ADARB2: variants seen among roughly 807,000 people sequenced by gnomAD.
ADARB2 encodes adenosine deaminase RNA specific B2 (inactive).
In ADARB2, 25 loss-of-function variants were observed where a neutral mutation model predicts 62.2. That is an observed-to-expected ratio of 0.40 (90% CI 0.29 to 0.56). The LOEUF (loss-of-function observed/expected upper bound fraction) is 0.56, where lower values mean the gene tolerates loss of function less well. ADARB2 is among the 20% of genes least tolerant of loss of function. The pLI is 0.43. For missense variants in ADARB2, 1,071 were observed against 1,077.4 expected (o/e 0.99, Z 0.08); for synonymous variants, 572 against 500.8 (o/e 1.14, Z -1.90).
rs558626681 is a variant in ADARB2, at chr10:1,200,002, G to C, written c.1828C>G (p.Pro610Ala). The C allele has an allele frequency of 2.5e-6, 4 of 1,576,258 alleles. No individual in the cohort carries two copies. The highest frequency in any genetic ancestry group is 3.4e-6 in the Non-Finnish European group (4 of 1,164,332). ...SHRMEGVGQL[P>A]ASYRHNRPLL... Reference sequence around the variant, plus strand: ...GGCCGGTTGTGCCGGTAGGAGGCGGGCAGCTGGCCGACACCCTCCATGCGG... The same window carrying C: ...GGCCGGTTGTGCCGGTAGGAGGCGGCCAGCTGGCCGACACCCTCCATGCGG... The change falls in exon 8 of 10, where the codon CCC becomes GCC. Residue 610 changes from proline to alanine, a missense_variant. Coordinates refer to ENST00000381312, the MANE Select transcript of ADARB2 (RefSeq NM_018702.4).
rs1177194986 is a variant in ADARB2, at chr10:1,271,065, A to G, written c.1082T>C (p.Phe361Ser). 6.2e-7 allele frequency: 1 copy of G among 1,613,622 alleles called. No homozygotes were observed. Among genetic ancestry groups the G allele is most frequent in the East Asian group, 2.2e-5 (1 of 44,864 alleles). ...RARRTPMPQE[F>S]ADSISQLVTQ... ...GACCAGCTGGGATATGGAGTCTGCGAATTCCTGAAAGACACAAGCACAGGC... is the reference window on the plus strand; with the variant it reads ...GACCAGCTGGGATATGGAGTCTGCGGATTCCTGAAAGACACAAGCACAGGC... The change falls in exon 4 of 10, where the codon TTC (phenylalanine) becomes TCC (serine). Residue 361 changes from phenylalanine to serine, a missense_variant. Transcript: ENST00000381312.
At chr10:1,525,927 CTGTG>C (rs1430965994) in intron 1 of ADARB2, among the ~76,000 whole-genome samples, 4 of 151,364 alleles carry the variant, frequency 2.6e-5, no homozygotes, top group African/African-American at 4.9e-5. Flanking sequence ...GCACGTGTGT[CTGTG>C]TGTGAGCACG....
At chr10:1,293,746 C>A (rs1254235316) in intron 3 of ADARB2, among the ~76,000 whole-genome samples, 3 of 152,226 alleles carry the variant, frequency 2.0e-5, no homozygotes, top group Non-Finnish European at 2.9e-5. Context: ...GGAAATAAAT[C>A]TGACACCAAC....
chr10:1,378,980 G>T, intron 2 of ADARB2, 94 bp downstream of exon 2: 1 of 1,036,580 alleles, frequency 9.6e-7, no homozygotes, highest in South Asian at 1.3e-5. Context: ...CCTCCCAGAT[G>T]ACCCCAGGTA....
chr10:1,247,040 G>T (rs1000341801), intron 4 of ADARB2, among the ~76,000 whole-genome samples: 1 of 152,170 alleles, frequency 6.6e-6, no homozygotes, highest in South Asian at 2.1e-4. Flanking sequence ...CCTTGAAGAG[G>T]TCCTTCACAT....
chr10:1,355,993 A>G (rs1363871216), intron 3 of ADARB2, among the ~76,000 whole-genome samples: 1 of 152,236 alleles, frequency 6.6e-6, no homozygotes. Flanking sequence ...CATTGTATAA[A>G]TGCATAAATG....
intron 1 of ADARB2, among the ~76,000 whole-genome samples, chr10:1,673,332 G>A (rs1834417648): frequency 6.6e-6 from 1 of 151,886 alleles, no homozygotes; most frequent in Non-Finnish European, 1.5e-5. Flanking sequence ...GTGTGTGTGT[G>A]TGTGTGTGTG....
At chr10:1,473,403 G>A (rs1312265291) in intron 1 of ADARB2, among the ~76,000 whole-genome samples, 4 of 151,464 alleles carry the variant, frequency 2.6e-5, no homozygotes, top group African/African-American at 9.7e-5. Context: ...TTTTTTTCCT[G>A]ACAGGGCCTC....
At chr10:1,468,481 G>T (rs551807432) in intron 1 of ADARB2, among the ~76,000 whole-genome samples, 1 of 152,162 alleles carries the variant, frequency 6.6e-6, no homozygotes, top group Admixed American at 6.5e-5. Context: ...TCACAGATCC[G>T]GCTGTGGTGC....
At chr10:1,605,755 C>T (rs1328279610) in intron 1 of ADARB2, among the ~76,000 whole-genome samples, 2 of 152,110 alleles carry the variant, frequency 1.3e-5, no homozygotes, top group Non-Finnish European at 2.9e-5. Flanking sequence ...TTAGATGTCT[C>T]AATAACAGGA....
chr10:1,509,935 G>A (rs7073560), intron 1 of ADARB2, among the ~76,000 whole-genome samples: 30,950 of 151,934 alleles, frequency 0.2, 3,364 homozygotes, highest in Non-Finnish European at 0.25. Flanking sequence ...ATGCTTTAAT[G>A]CTTGCATTGC....
chr10:1,538,535 A>T lies in ADARB2; in HGVS notation c.101-159375T>A, dbSNP rs1040570716. 3.3e-5 allele frequency among the ~76,000 whole-genome samples: 5 copies of T among 152,312 alleles called. No homozygotes were observed. The South Asian group carries it at 6.2e-4, about 19-fold the overall frequency. On this transcript the variant is annotated intron_variant, in intron 1 of 9. Coordinates refer to ENST00000381312, the MANE Select transcript of ADARB2 (RefSeq NM_018702.4). ...TCTCAGAGGATCACGCGGCCCCCAG[A>T]GGACATGCTGGACGCACACCTGACC...
intron 1 of ADARB2, among the ~76,000 whole-genome samples, chr10:1,603,044 G>T (rs572693433): frequency 6.8e-6 from 1 of 147,228 alleles, no homozygotes; most frequent in African/African-American, 2.5e-5. Context: ...AAACACACAC[G>T]CACACACACC....
At chr10:1,378,455 C>A (rs1320036596) in intron 2 of ADARB2, among the ~76,000 whole-genome samples, 1 of 152,204 alleles carries the variant, frequency 6.6e-6, no homozygotes, top group Admixed American at 6.5e-5. Context: ...TGGTTAATTT[C>A]TTGGAATAAT....
intron 1 of ADARB2, among the ~76,000 whole-genome samples, chr10:1,411,077 T>C (rs1832755413): frequency 6.6e-6 from 1 of 152,176 alleles, no homozygotes; most frequent in African/African-American, 2.4e-5. Flanking sequence ...TGCATCCTGC[T>C]CTCCTCTCTG....
At chr10:1,396,464 C>T (rs77304473) in intron 1 of ADARB2, among the ~76,000 whole-genome samples, 7 of 152,276 alleles carry the variant, frequency 4.6e-5, no homozygotes, top group African/African-American at 9.6e-5. Flanking sequence ...TTGCCAGGCA[C>T]GTGCTGTGTC....
chr10:1,624,390 G>A (rs943736656), intron 1 of ADARB2, among the ~76,000 whole-genome samples: 15 of 152,144 alleles, frequency 9.9e-5, no homozygotes, highest in African/African-American at 2.9e-4. Flanking sequence ...CGAGCATGCC[G>A]TCCTGCCTGG....
intron 1 of ADARB2, among the ~76,000 whole-genome samples, chr10:1,413,737 G>A (rs897797424): frequency 1.1e-4 from 16 of 152,182 alleles, no homozygotes; most frequent in South Asian, 4.1e-4. Flanking sequence ...CAGACTGAGC[G>A]CTGATGATGC....
At chr10:1,252,918 A>C (rs1428060751) in intron 4 of ADARB2, among the ~76,000 whole-genome samples, 3 of 152,160 alleles carry the variant, frequency 2.0e-5, no homozygotes, top group African/African-American at 4.8e-5. Flanking sequence ...TAAACATTTC[A>C]AATGCATTGA....
Sources: gnomAD v4.1 joint callset for allele counts (sites outside exome capture counted in the v4.1 genomes callset) on GRCh38, gnomAD v4.1.1 for gene constraint, MANE v1.5 for transcripts, NCBI Gene and HGNC (gene_info 2026-07-23, HGNC 2026-07-21) for gene names.